The following CNTNAP2 variants were observed in gnomAD, a reference collection of about 807,000 sequenced individuals.
CNTNAP2 encodes the protein contactin associated protein 2, also known as contactin-associated protein-like 2.
CNTNAP2 carries 98 observed loss-of-function variants against 155.2 expected under a neutral mutation model. The observed-to-expected ratio is 0.63, with a 90% CI of 0.54 to 0.75. CNTNAP2 has a LOEUF of 0.75. Ranked by LOEUF, CNTNAP2 falls within the 30% of genes least tolerant of loss-of-function variation. The pLI, the probability that CNTNAP2 is intolerant of heterozygous loss-of-function variation, is 0.00. For missense variants in CNTNAP2, 1,727 were observed against 1,688.1 expected, an observed-to-expected ratio of 1.02 and a Z score of -0.40; for synonymous variants, 651 against 631.2, an observed-to-expected ratio of 1.03 and a Z score of -0.47.
intron 18 of CNTNAP2, among the ~76,000 whole-genome samples, chr7:148,187,105 A>AAC (rs1329086491): frequency 2.4e-5 from 3 of 122,682 alleles, no homozygotes; most frequent in African/African-American, 8.9e-5. Context: ...TGAGCAAGGA[A>AAC]ACATACACAC....
chr7:146,293,255 C>A (rs17170026), intron 1 of CNTNAP2, among the ~76,000 whole-genome samples: 72 of 152,084 alleles, frequency 4.7e-4, no homozygotes, highest in African/African-American at 1.7e-3. Flanking sequence ...TAGGAATTCC[C>A]AGGAGAAAAT....
intron 12 of CNTNAP2, 184 bp from the exon 13 acceptor site, chr7:147,638,922 T>C: frequency 1.4e-6 from 1 of 706,818 alleles, no homozygotes; most frequent in Non-Finnish European, 2.6e-6. Context: ...TTTCCTACTT[T>C]GTCCTCATAA....
intron 15 of CNTNAP2, among the ~76,000 whole-genome samples, chr7:148,023,319 A>G (rs545215629): frequency 2.0e-5 from 3 of 152,328 alleles, no homozygotes; most frequent in African/African-American, 7.2e-5. Context: ...TTAATGGCAT[A>G]ATTTTTAGCC....
At chr7:146,607,331 T>C (rs1048277646) in intron 1 of CNTNAP2, among the ~76,000 whole-genome samples, 4 of 152,184 alleles carry the variant, frequency 2.6e-5, no homozygotes, top group African/African-American at 9.6e-5. Flanking sequence ...ATCACACTTC[T>C]GCTTGACTTC....
intron 3 of CNTNAP2, among the ~76,000 whole-genome samples, chr7:146,897,510 T>C (rs1419648946): frequency 6.6e-6 from 1 of 152,028 alleles, no homozygotes; most frequent in Non-Finnish European, 1.5e-5. Flanking sequence ...ACCTACGTTG[T>C]AGAATCCAAC....
rs551525356 is a variant in CNTNAP2 at position 146,374,025 on chromosome 7, G to T, written c.97+257052G>T. ...AAGGATATATTTCATTTAAACAGGG[G>T]TGTCAACCAAGAAAGAGGAAGGTAT... On this transcript the variant is annotated intron_variant, in intron 1 of 23. Transcript: ENST00000361727. 3.3e-5 allele frequency among the ~76,000 whole-genome samples: 5 copies of T among 152,194 alleles called. No individual in the cohort carries two copies. In the East Asian group the frequency reaches 7.7e-4, roughly 24 times the overall value.
chr7:146,461,411 A>G (rs1032326802), intron 1 of CNTNAP2, among the ~76,000 whole-genome samples: 1 of 148,582 alleles, frequency 6.7e-6, no homozygotes, highest in Non-Finnish European at 1.5e-5. Flanking sequence ...TCTCAAAAAA[A>G]AAAAATATAA....
chr7:146,392,340 T>A (rs895204495), intron 1 of CNTNAP2, among the ~76,000 whole-genome samples: 9 of 150,168 alleles, frequency 6.0e-5, no homozygotes, highest in Non-Finnish European at 1.2e-4. Flanking sequence ...TATCAGAAAG[T>A]AGAGATGTTT....
At chr7:148,259,219 G>A (rs1386124660) in intron 20 of CNTNAP2, among the ~76,000 whole-genome samples, 1 of 134,102 alleles carries the variant, frequency 7.5e-6, no homozygotes, top group Non-Finnish European at 1.5e-5. Flanking sequence ...AGCCAGGCAT[G>A]GTGGTATGCA....
intron 13 of CNTNAP2, among the ~76,000 whole-genome samples, chr7:147,763,092 T>G (rs1250121707): frequency 6.6e-6 from 1 of 151,872 alleles, no homozygotes; most frequent in African/African-American, 2.4e-5. Flanking sequence ...AGCCCCCGTC[T>G]CTACTAAAAA....
intron 21 of CNTNAP2, among the ~76,000 whole-genome samples, chr7:148,370,874 G>A (rs1238490248): frequency 6.6e-6 from 1 of 152,164 alleles, no homozygotes; most frequent in African/African-American, 2.4e-5. Context: ...TGAAGGCAGT[G>A]ACGGTGTGCT....
At chr7:147,062,568 T>C (rs915774867) in intron 4 of CNTNAP2, among the ~76,000 whole-genome samples, 5 of 152,198 alleles carry the variant, frequency 3.3e-5, no homozygotes, top group African/African-American at 1.2e-4. Context: ...CCAAATCCCA[T>C]TTTTGCCACT....
At chr7:146,343,363 G>A (rs563766761) in intron 1 of CNTNAP2, among the ~76,000 whole-genome samples, 41 of 150,222 alleles carry the variant, frequency 2.7e-4, no homozygotes, top group African/African-American at 7.6e-4. Context: ...TTTTTTTTTC[G>A]TGTAAAGAAA....
intron 1 of CNTNAP2, among the ~76,000 whole-genome samples, chr7:146,206,770 A>G (rs7778508): frequency 0.033 from 5,029 of 152,032 alleles, 274 homozygotes; most frequent in African/African-American, 0.12. Flanking sequence ...GTCAGACCTC[A>G]ACAACAACAC....
chr7:148,229,438 T>C (rs1009209771), intron 19 of CNTNAP2, among the ~76,000 whole-genome samples: 5 of 151,890 alleles, frequency 3.3e-5, no homozygotes, highest in African/African-American at 1.2e-4. Flanking sequence ...GGCAGGAGAA[T>C]CGCTTGAACC....
At chr7:148,405,861 G>T (rs1799692525) in intron 22 of CNTNAP2, among the ~76,000 whole-genome samples, 1 of 151,382 alleles carries the variant, frequency 6.6e-6, no homozygotes, top group Non-Finnish European at 1.5e-5. Context: ...TGATCCACTT[G>T]CCTTGGACTC....
At chr7:146,987,858 T>C in intron 3 of CNTNAP2, among the ~76,000 whole-genome samples, 1 of 152,132 alleles carries the variant, frequency 6.6e-6, no homozygotes, top group East Asian at 1.9e-4. Flanking sequence ...ATAAGGTGGT[T>C]ATAACTATTT....
chr7:147,786,318 C>T (rs1237961405), intron 13 of CNTNAP2, among the ~76,000 whole-genome samples: 2 of 152,062 alleles, frequency 1.3e-5, no homozygotes, highest in African/African-American at 2.4e-5. Flanking sequence ...GGCATGCATA[C>T]TCTAGGATGG....
chr7:147,149,630 A>G (rs565029267), intron 8 of CNTNAP2, among the ~76,000 whole-genome samples: 20 of 152,232 alleles, frequency 1.3e-4, no homozygotes, highest in African/African-American at 4.8e-4. Flanking sequence ...TCTATCTACT[A>G]TGTGGATAGT....
Sources: allele counts gnomAD v4.1 joint callset (sites outside exome capture counted in the v4.1 genomes callset), GRCh38; gene constraint gnomAD v4.1.1; transcripts MANE v1.5; gene names NCBI Gene and HGNC (gene_info 2026-07-23, HGNC 2026-07-21).